DOK5: variants seen among roughly 807,000 people sequenced by gnomAD.
DOK5 encodes docking protein 5.
Under a neutral mutation model 43.3 loss-of-function variants are expected in DOK5, and 27 were observed. That is an observed-to-expected ratio of 0.62 (90% CI 0.46 to 0.86). DOK5 has a LOEUF of 0.86. DOK5 is among the 40% of genes least tolerant of loss of function. The pLI, the probability that DOK5 is intolerant of heterozygous loss-of-function variation, is 0.00. For synonymous variants in DOK5, 146 were observed against 140.1 expected, an observed-to-expected ratio of 1.04 and a Z score of -0.30; for missense variants, 373 against 392.9, an observed-to-expected ratio of 0.95 and a Z score of 0.43.
At chr20:54,485,468 G>A (rs533734693) in intron 1 of DOK5, among the ~76,000 whole-genome samples, 84 of 152,256 alleles carry the variant, frequency 5.5e-4, no homozygotes, top group South Asian at 1.5e-3. Flanking sequence ...GTTGTTGTGT[G>A]TATAAGTTTG....
chr20:54,610,282 T>TA, intron 5 of DOK5, 106 bp from the exon 6 acceptor site: 1 of 1,170,420 alleles, frequency 8.5e-7, no homozygotes, highest in Non-Finnish European at 1.1e-6. Flanking sequence ...TGAACAAGAA[T>TA]AAAAAATAAT....
intron 4 of DOK5, among the ~76,000 whole-genome samples, chr20:54,590,628 C>T (rs565330240): frequency 6.6e-5 from 10 of 151,990 alleles, no homozygotes; most frequent in Non-Finnish European, 1.0e-4. Context: ...TAGTAGATCG[C>T]GGAACACATT....
At chr20:54,488,554 T>C (rs1437257167) in intron 1 of DOK5, among the ~76,000 whole-genome samples, 1 of 152,200 alleles carries the variant, frequency 6.6e-6, no homozygotes, top group African/African-American at 2.4e-5. Context: ...TTTTTCTTGT[T>C]TGTTTTTCTT....
At chr20:54,620,215 C>A (rs1027597398) in intron 6 of DOK5, among the ~76,000 whole-genome samples, 20 of 152,036 alleles carry the variant, frequency 1.3e-4, no homozygotes, top group Non-Finnish European at 2.6e-4. Flanking sequence ...TATAATAAAG[C>A]ATAATTTGTT....
At chr20:54,499,023 C>A (rs984779707) in intron 1 of DOK5, among the ~76,000 whole-genome samples, 4 of 152,188 alleles carry the variant, frequency 2.6e-5, no homozygotes, top group Non-Finnish European at 4.4e-5. Flanking sequence ...TAAACAGTTA[C>A]TACCGGTGAC....
intron 1 of DOK5, among the ~76,000 whole-genome samples, chr20:54,500,788 C>A (rs1391609615): frequency 6.6e-6 from 1 of 151,952 alleles, no homozygotes; most frequent in Admixed American, 6.6e-5. Flanking sequence ...CTCGAACTCC[C>A]AACCTCAGGT....
chr20:54,615,694 G>A (rs879075065), intron 6 of DOK5, among the ~76,000 whole-genome samples: 1 of 152,102 alleles, frequency 6.6e-6, no homozygotes, highest in African/African-American at 2.4e-5. Flanking sequence ...GGTGGATCAC[G>A]AGGTCAAGAG....
chr20:54,591,464 C>T (rs1450015949), intron 4 of DOK5, 152 bp from the exon 5 acceptor site: 2 of 546,564 alleles, frequency 3.7e-6, no homozygotes, highest in Non-Finnish European at 6.3e-6. Context: ...TTTTCTGGGA[C>T]TGTTAATTAA....
At chr20:54,522,161 T>C (rs1600678208) in intron 1 of DOK5, among the ~76,000 whole-genome samples, 1 of 152,258 alleles carries the variant, frequency 6.6e-6, no homozygotes, top group East Asian at 1.9e-4. Flanking sequence ...ATTGGAAGAA[T>C]TGTCTTGGGC....
At chr20:54,587,436 A>T (rs1309271964) in intron 2 of DOK5, among the ~76,000 whole-genome samples, 1 of 151,604 alleles carries the variant, frequency 6.6e-6, no homozygotes, top group African/African-American at 2.4e-5. Flanking sequence ...AAACGGAACA[A>T]CATCATTGCA....
chr20:54,521,467 C>T (rs954704452), intron 1 of DOK5, among the ~76,000 whole-genome samples: 1 of 152,182 alleles, frequency 6.6e-6, no homozygotes, highest in Non-Finnish European at 1.5e-5. Flanking sequence ...TCACAGAACT[C>T]AAGAAAACAC....
chr20:54,573,370 A>G (rs1985352470), intron 2 of DOK5, among the ~76,000 whole-genome samples: 1 of 152,178 alleles, frequency 6.6e-6, no homozygotes, highest in Admixed American at 6.5e-5. Context: ...GGCTTTAAAG[A>G]TAAAATAAAG....
chr20:54,626,697 T>A (rs1260520013), intron 6 of DOK5, among the ~76,000 whole-genome samples: 8 of 152,186 alleles, frequency 5.3e-5, no homozygotes, highest in Admixed American at 4.6e-4. Context: ...CATACACAGA[T>A]ACATACAAAA....
At chr20:54,618,488 C>A (rs1032403686) in intron 6 of DOK5, among the ~76,000 whole-genome samples, 6 of 152,044 alleles carry the variant, frequency 3.9e-5, no homozygotes, top group Non-Finnish European at 5.9e-5. Flanking sequence ...GGATTATAGG[C>A]ACCTGCCAGC....
At chr20:54,626,960 A>G (rs1868363127) in intron 6 of DOK5, among the ~76,000 whole-genome samples, 1 of 152,230 alleles carries the variant, frequency 6.6e-6, no homozygotes, top group Non-Finnish European at 1.5e-5. Context: ...TCACACTGAA[A>G]CAGCAGAGTC....
intron 6 of DOK5, among the ~76,000 whole-genome samples, chr20:54,617,094 A>T (rs1986839107): frequency 6.6e-6 from 1 of 151,980 alleles, no homozygotes; most frequent in South Asian, 2.1e-4. Context: ...CCAGCCAAGG[A>T]TCCACTTTCA....
chr20:54,511,979 G>A (rs1015264535), intron 1 of DOK5, among the ~76,000 whole-genome samples: 8 of 152,134 alleles, frequency 5.3e-5, no homozygotes, highest in African/African-American at 1.9e-4. Flanking sequence ...AGGAGGATTG[G>A]GTCAGGCCAT....
chr20:54,540,339 C>A (rs543950653), intron 1 of DOK5, among the ~76,000 whole-genome samples: 1 of 152,166 alleles, frequency 6.6e-6, no homozygotes, highest in Admixed American at 6.5e-5. Flanking sequence ...TTCCTCATTG[C>A]TTGGGACAGT....
rs944460316 is a variant in DOK5 at position 54,497,353 on chromosome 20, A to G, written c.66+21341A>G. On this transcript the variant is annotated intron_variant, in intron 1 of 7. Coordinates refer to ENST00000262593, the MANE Select transcript of DOK5 (RefSeq NM_018431.5). ...TCATCCATTTAAAATGCCAATTTAA[A>G]CAGTCTTACATTTGAACAACATGCA... Among the ~76,000 whole-genome samples, 5 of 152,382 alleles carry G rather than the reference A, an allele frequency of 3.3e-5. No individual in the cohort carries two copies. In the South Asian group the frequency reaches 1.0e-3, roughly 32 times the overall value.
Sources: allele counts gnomAD v4.1 joint callset (sites outside exome capture counted in the v4.1 genomes callset), GRCh38; gene constraint gnomAD v4.1.1; transcripts MANE v1.5; gene names NCBI Gene and HGNC (gene_info 2026-07-23, HGNC 2026-07-21).